INPP4B: variants seen among roughly 807,000 people sequenced by gnomAD.
INPP4B encodes the protein inositol polyphosphate 4-phosphatase type II.
In INPP4B, 55 loss-of-function variants were observed where a neutral mutation model predicts 122.5. The observed-to-expected ratio is 0.45, with a 90% CI of 0.36 to 0.56. The LOEUF is 0.56. INPP4B is among the 20% of genes least tolerant of loss of function. The pLI is 0.00. For missense variants in INPP4B, 1,000 were observed against 1,097.7 expected (o/e 0.91, Z 1.26); for synonymous variants, 403 against 388.7 (o/e 1.04, Z -0.43).
chr4:142,259,167 A>G (rs1486215566), intron 11 of INPP4B, among the ~76,000 whole-genome samples: 3 of 132,184 alleles, frequency 2.3e-5, no homozygotes, highest in Non-Finnish European at 4.7e-5. Context: ...GATCACATGG[A>G]CACAGGAAGG....
intron 22 of INPP4B, among the ~76,000 whole-genome samples, chr4:142,109,167 T>C (rs1366997095): frequency 6.6e-6 from 1 of 151,872 alleles, no homozygotes; most frequent in African/African-American, 2.4e-5. Flanking sequence ...ACCACTGTCA[T>C]TATATATTAA....
chr4:142,767,290 G>A (rs1772300708), intron 1 of INPP4B, among the ~76,000 whole-genome samples: 1 of 152,160 alleles, frequency 6.6e-6, no homozygotes, highest in African/African-American at 2.4e-5. Flanking sequence ...ATCTAAAGAA[G>A]CAGTATGCCC....
chr4:142,302,632 C>T (rs1761909728), intron 9 of INPP4B, among the ~76,000 whole-genome samples: 1 of 152,194 alleles, frequency 6.6e-6, no homozygotes, highest in East Asian at 1.9e-4. Flanking sequence ...GCACAAAGCA[C>T]ATGGTTGGTT....
intron 2 of INPP4B, among the ~76,000 whole-genome samples, chr4:142,665,742 G>T (rs893701063): frequency 1.3e-5 from 2 of 151,900 alleles, no homozygotes; most frequent in Non-Finnish European, 2.9e-5. Context: ...TAATAAAAAA[G>T]CACCAAAAAT....
At chr4:142,071,807 CA>C (rs1426796271) in intron 25 of INPP4B, among the ~76,000 whole-genome samples, 1 of 152,004 alleles carries the variant, frequency 6.6e-6, no homozygotes, top group African/African-American at 2.4e-5. Flanking sequence ...ACACCAGTTA[CA>C]ATGGCAATCA....
At chr4:142,101,791 A>G (rs1292498587) in intron 23 of INPP4B, among the ~76,000 whole-genome samples, 2 of 152,156 alleles carry the variant, frequency 1.3e-5, no homozygotes, top group African/African-American at 4.8e-5. Context: ...CATTTTGAAA[A>G]CAAAATCTAA....
intron 17 of INPP4B, among the ~76,000 whole-genome samples, chr4:142,150,479 A>G (rs1055805217): frequency 1.3e-5 from 2 of 152,208 alleles, no homozygotes; most frequent in African/African-American, 2.4e-5. Context: ...TTAAAGTCTA[A>G]TCTTTATTCA....
At chr4:142,706,527 T>C (rs1762494987) in intron 2 of INPP4B, among the ~76,000 whole-genome samples, 1 of 152,216 alleles carries the variant, frequency 6.6e-6, no homozygotes, top group South Asian at 2.1e-4. Context: ...TGTGTTTTGT[T>C]AACATGCCTC....
In INPP4B at chr4:142,354,484, T is replaced by TA. The variant is rs1232773462; in HGVS notation, c.373-39723_373-39722insT. 2.6e-5 allele frequency among the ~76,000 whole-genome samples: 4 copies of TA among 151,992 alleles called. No individual in the cohort carries two copies. The East Asian group carries it at 5.8e-4, about 22-fold the overall frequency. ...TTCCATTCGGTACCTTTTATCTATC[T>TA]TGGGCATTTAAGGAATAAACCGGCC... On this transcript the variant is annotated intron_variant, in intron 7 of 25. Coordinates refer to ENST00000262992, the MANE Select transcript of INPP4B (RefSeq NM_001101669.3).
intron 2 of INPP4B, among the ~76,000 whole-genome samples, chr4:142,589,337 C>G (rs557499454): frequency 2.0e-5 from 3 of 151,944 alleles, no homozygotes; most frequent in Non-Finnish European, 4.4e-5. Context: ...GCAAAAGACA[C>G]TATTAAGGTA....
chr4:142,194,196 T>C (rs1350830866), intron 14 of INPP4B, among the ~76,000 whole-genome samples: 1 of 152,088 alleles, frequency 6.6e-6, no homozygotes, highest in Non-Finnish European at 1.5e-5. Flanking sequence ...GTCAGCAGCA[T>C]TCAGAAAATG....
intron 1 of INPP4B, among the ~76,000 whole-genome samples, chr4:142,784,374 A>AATAC (rs1775398856): frequency 7.2e-6 from 1 of 139,216 alleles, no homozygotes; most frequent in Non-Finnish European, 1.5e-5. Context: ...AAAATAAATA[A>AATAC]ATAAATAAAT....
At chr4:142,670,628 G>C (rs1756859299) in intron 2 of INPP4B, among the ~76,000 whole-genome samples, 3 of 152,092 alleles carry the variant, frequency 2.0e-5, no homozygotes, top group Admixed American at 2.0e-4. Context: ...GAGTAGAATG[G>C]TGACTATCAA....
At chr4:142,743,852 G>A (rs530278810) in intron 1 of INPP4B, among the ~76,000 whole-genome samples, 1 of 151,914 alleles carries the variant, frequency 6.6e-6, no homozygotes, top group East Asian at 1.9e-4. Flanking sequence ...GGATACATGA[G>A]TTCAAGGTGA....
At chr4:142,129,783 A>G (rs1800387767) in intron 18 of INPP4B, among the ~76,000 whole-genome samples, 1 of 152,042 alleles carries the variant, frequency 6.6e-6, no homozygotes, top group Non-Finnish European at 1.5e-5. Flanking sequence ...TGAGAAATCT[A>G]TTTTTATTTT....
At chr4:142,618,105 C>A (rs1325149921) in intron 2 of INPP4B, among the ~76,000 whole-genome samples, 1 of 151,764 alleles carries the variant, frequency 6.6e-6, no homozygotes, top group Non-Finnish European at 1.5e-5. Flanking sequence ...CAATGGGGAA[C>A]ATTAAGAAAT....
chr4:142,255,493 T>A (rs1489845578), intron 11 of INPP4B, among the ~76,000 whole-genome samples: 3 of 151,766 alleles, frequency 2.0e-5, no homozygotes, highest in Non-Finnish European at 2.9e-5. Flanking sequence ...AGGCTCAAAA[T>A]AAAAGGATGG....
chr4:142,049,648 G>A (rs1421663602), intron 25 of INPP4B, among the ~76,000 whole-genome samples: 1 of 151,882 alleles, frequency 6.6e-6, no homozygotes, highest in African/African-American at 2.4e-5. Flanking sequence ...ACAATAATAA[G>A]TAGTTGTGAC....
intron 7 of INPP4B, among the ~76,000 whole-genome samples, chr4:142,386,990 C>T (rs1260331722): frequency 3.9e-5 from 6 of 152,044 alleles, no homozygotes; most frequent in East Asian, 1.9e-4. Flanking sequence ...CAGAGCTCTA[C>T]GGGTTTGTGT....
Sources: gnomAD v4.1 joint callset for allele counts (sites outside exome capture counted in the v4.1 genomes callset) on GRCh38, gnomAD v4.1.1 for gene constraint, MANE v1.5 for transcripts, NCBI Gene and HGNC (gene_info 2026-07-23, HGNC 2026-07-21) for gene names.